Variants in LRBA observed in about 807,000 individuals in gnomAD.
The protein encoded by LRBA is LPS responsive beige-like anchor protein.
Under a neutral mutation model 330.0 loss-of-function variants are expected in LRBA, and 176 were observed. That is an observed-to-expected ratio of 0.53 (90% CI 0.47 to 0.60). The LOEUF (loss-of-function observed/expected upper bound fraction) is 0.60. Among genes scored for constraint, LRBA ranks in the 20% least tolerant of loss-of-function variants. The pLI is 0.00. For missense variants in LRBA, 3,259 were observed against 3,444.8 expected (o/e 0.95, Z 1.35); for synonymous variants, 1,230 against 1,193.0 (o/e 1.03, Z -0.64).
chr4:150,444,752 C>T (rs556455431), intron 44 of LRBA, among the ~76,000 whole-genome samples: 2 of 152,242 alleles, frequency 1.3e-5, no homozygotes, highest in East Asian at 1.9e-4. Context: ...TACACCATTT[C>T]GATTTAACAA....
chr4:150,726,440 G>A (rs1729682210), intron 36 of LRBA, among the ~76,000 whole-genome samples: 1 of 152,228 alleles, frequency 6.6e-6, no homozygotes, highest in East Asian at 1.9e-4. Context: ...CCAGCAAGAG[G>A]ATATAACGAT....
intron 54 of LRBA, among the ~76,000 whole-genome samples, chr4:150,284,907 C>T (rs573400659): frequency 1.3e-5 from 2 of 152,186 alleles, no homozygotes; most frequent in African/African-American, 4.8e-5. Context: ...TTTCAGTTGG[C>T]GTGCTCACTT....
At chr4:150,332,661 TC>T (rs1239082062) in intron 48 of LRBA, among the ~76,000 whole-genome samples, 1 of 10,084 alleles carries the variant, frequency 9.9e-5, no homozygotes, top group Middle Eastern at 0.038. Flanking sequence ...TTAAAACATT[TC>T]AAAAAAAGCT....
At chr4:150,728,251 G>A (rs549431254) in intron 36 of LRBA, among the ~76,000 whole-genome samples, 2 of 152,106 alleles carry the variant, frequency 1.3e-5, no homozygotes, top group South Asian at 4.2e-4. Context: ...GGGGCCAGAT[G>A]GCTTCACTGA....
chr4:150,922,996 T>C (rs1479219695), intron 4 of LRBA, among the ~76,000 whole-genome samples: 2 of 152,038 alleles, frequency 1.3e-5, no homozygotes, highest in Non-Finnish European at 2.9e-5. Context: ...TAAACAACTA[T>C]ACAGATGCTC....
Position 150,674,576 on chromosome 4 carries a change from T to TA in LRBA, c.5921+8974dup, listed in dbSNP as rs202159505. ...ATTGTAAACACTCAAAAATAAAAAT[T>TA]AAAAAACATCCTAATACTGTTGGGT... is the stretch of plus-strand genomic sequence containing the variant. On this transcript the variant is annotated intron_variant, in intron 37 of 56. Coordinates refer to ENST00000651943, the MANE Select transcript of LRBA (RefSeq NM_001364905.1). Among the ~76,000 whole-genome samples, 1,246 of 152,136 alleles carry TA rather than the reference T, an allele frequency of 8.2e-3. 11 individuals carry two copies. The highest frequency in any genetic ancestry group is 0.028 in the African/African-American group (1,180 of 41,512).
chr4:150,917,362 G>A (rs912737653), intron 5 of LRBA, among the ~76,000 whole-genome samples: 2 of 151,966 alleles, frequency 1.3e-5, no homozygotes, highest in Admixed American at 6.6e-5. Flanking sequence ...CTAATTAAAA[G>A]AGATAGGAAG....
chr4:150,943,122 G>T (rs1269287031), intron 2 of LRBA, among the ~76,000 whole-genome samples: 1 of 152,134 alleles, frequency 6.6e-6, no homozygotes, highest in African/African-American at 2.4e-5. Context: ...AAGGTTCCAT[G>T]ATCAAATAAG....
At chr4:150,537,995 C>CA (rs1380878016) in intron 40 of LRBA, among the ~76,000 whole-genome samples, 1 of 151,922 alleles carries the variant, frequency 6.6e-6, no homozygotes, top group East Asian at 1.9e-4. Context: ...AGAAGCTTCT[C>CA]AAATGTGTCC....
rs541644719 is a variant in LRBA at position 150,494,771 on chromosome 4, G to A, written c.6331-3736C>T. 5.3e-5 allele frequency among the ~76,000 whole-genome samples: 8 copies of A among 152,242 alleles called. No individual in the cohort carries two copies. The South Asian group carries it at 6.2e-4, about 12-fold the overall frequency. Reference sequence around the variant, plus strand: ...AACATTTTGGGAGGCCAAGGCAGGCGGATCACGAGGTCAGGAGATGGGGAC... The same window carrying A: ...AACATTTTGGGAGGCCAAGGCAGGCAGATCACGAGGTCAGGAGATGGGGAC... On this transcript the variant is annotated intron_variant, in intron 40 of 56. Coordinates refer to ENST00000651943, the MANE Select transcript of LRBA (RefSeq NM_001364905.1).
At position 150,775,479 on chromosome 4, in the gene LRBA, ACACACACACACACACACACAC is replaced by A. The variant is rs1560800105; in HGVS notation, c.5581-13653_5581-13633del. Among the ~76,000 whole-genome samples the A allele has an allele frequency of 7.3e-5, 11 of 151,348 alleles. No individual in the cohort carries two copies. In the East Asian group the frequency reaches 1.6e-3, roughly 21 times the overall value. On this transcript the variant is annotated intron_variant, in intron 34 of 56. Coordinates refer to ENST00000651943, the MANE Select transcript of LRBA (RefSeq NM_001364905.1). Reference sequence around the variant, plus strand: ...CACACACACACACACACACACACACACACACACACACACACACACACACAGTGATTGCAGCATAAGAGAGGA... The same window carrying A: ...CACACACACACACACACACACACACAACAGTGATTGCAGCATAAGAGAGGA...
intron 34 of LRBA, among the ~76,000 whole-genome samples, chr4:150,787,082 AG>A (rs759594106): frequency 6.6e-6 from 1 of 152,160 alleles, no homozygotes; most frequent in Non-Finnish European, 1.5e-5. Context: ...AATAAAAAAA[AG>A]TCGCCAGGCA....
intron 47 of LRBA, among the ~76,000 whole-genome samples, chr4:150,391,977 A>T (rs1408048278): frequency 2.2e-5 from 2 of 92,250 alleles, no homozygotes; most frequent in East Asian, 3.3e-4. Flanking sequence ...CTCTTTAAAA[A>T]AAAAAAAAAA....
chr4:150,867,894 G>C, intron 21 of LRBA, 31 bp from the exon 22 acceptor site: 4 of 1,502,344 alleles, frequency 2.7e-6, no homozygotes, highest in Non-Finnish European at 3.6e-6. Flanking sequence ...CTAAATTACT[G>C]AAGAAAAAAA....
intron 44 of LRBA, 130 bp downstream of exon 44, chr4:150,467,543 A>C: frequency 1.8e-6 from 1 of 559,736 alleles, no homozygotes; most frequent in Non-Finnish European, 3.2e-6. Context: ...AAATCTGTTT[A>C]AGAGATAATT....
At chr4:150,494,173 A>C (rs912400409) in intron 40 of LRBA, among the ~76,000 whole-genome samples, 26 of 152,336 alleles carry the variant, frequency 1.7e-4, no homozygotes, top group Admixed American at 1.6e-3. Context: ...AAAATGGCCT[A>C]TACCCAGGTT....
At chr4:150,684,818 T>A (rs1783387318) in intron 36 of LRBA, among the ~76,000 whole-genome samples, 1 of 152,152 alleles carries the variant, frequency 6.6e-6, no homozygotes. Context: ...CTAGTTTACA[T>A]ACGGAATATG....
At chr4:150,825,925 AAAGG>A (rs1407945163) in intron 30 of LRBA, among the ~76,000 whole-genome samples, 1 of 152,186 alleles carries the variant, frequency 6.6e-6, no homozygotes, top group Non-Finnish European at 1.5e-5. Context: ...ATTGTAAAGA[AAAGG>A]AAGTTGGCAA....
At chr4:150,448,951 C>T (rs1753008593) in intron 44 of LRBA, among the ~76,000 whole-genome samples, 2 of 151,894 alleles carry the variant, frequency 1.3e-5, no homozygotes, top group Non-Finnish European at 2.9e-5. Context: ...CTCTTTTCCA[C>T]GGGCCTCTCC....
Sources: allele counts gnomAD v4.1 joint callset (sites outside exome capture counted in the v4.1 genomes callset), GRCh38; gene constraint gnomAD v4.1.1; transcripts MANE v1.5; gene names NCBI Gene and HGNC (gene_info 2026-07-23, HGNC 2026-07-21).